Variants in UTS2B observed in about 807,000 individuals in gnomAD.
The protein encoded by UTS2B is urotensin 2B, also known as urotensin-2B.
UTS2B carries 21 observed loss-of-function variants against 19.2 expected under a neutral mutation model. The ratio of observed to expected loss-of-function variants is 1.09; its 90% CI spans 0.78 to 1.58. UTS2B has a LOEUF of 1.58. UTS2B is among the 40% of genes most tolerant of loss of function. The pLI is 0.00. For synonymous variants in UTS2B, 57 were observed against 50.2 expected (o/e 1.14, Z -0.58); for missense variants, 138 against 130.3 (o/e 1.06, Z -0.29).
intron 8 of UTS2B, chr3:191,273,583 C>G (rs1406469335): frequency 2.2e-6 from 1 of 456,698 alleles, no homozygotes; most frequent in African/African-American, 2.0e-5. Flanking sequence ...TAGAGTGGTG[C>G]TGTGCTGTGC....
chr3:191,289,955 A>G (rs1442036077), intron 4 of UTS2B, among the ~76,000 whole-genome samples: 1 of 152,240 alleles, frequency 6.6e-6, no homozygotes, highest in African/African-American at 2.4e-5. Flanking sequence ...TTCTCACCAC[A>G]CAAAAATGTT....
At chr3:191,291,841 G>A (rs1716728673) in intron 4 of UTS2B, among the ~76,000 whole-genome samples, 1 of 152,020 alleles carries the variant, frequency 6.6e-6, no homozygotes, top group Non-Finnish European at 1.5e-5. Context: ...ATATCTAGTT[G>A]TCTCACCACA....
the UTS2B span, among the ~76,000 whole-genome samples, chr3:191,336,498 C>T: frequency 6.6e-6 from 1 of 151,972 alleles, no homozygotes; most frequent in African/African-American, 2.4e-5. Flanking sequence ...TAAATTTTAG[C>T]TCATTTTAAA....
chr3:191,332,815 C>G (rs1055957745), upstream of UTS2B, among the ~76,000 whole-genome samples: 4 of 152,186 alleles, frequency 2.6e-5, no homozygotes, highest in African/African-American at 4.8e-5. Context: ...GTTCCTGTAT[C>G]GGTAAATGAA....
In UTS2B at chr3:191,275,373, T is replaced by C. The variant is rs1156770709; in HGVS notation, c.241-28A>G. Reference sequence around the variant, plus strand: ...GATAAAATTGTAAAATGATAATTAATTGGTCTTCTATAAAACCATGCTGTT... The same window carrying C: ...GATAAAATTGTAAAATGATAATTAACTGGTCTTCTATAAAACCATGCTGTT... On this transcript the variant is annotated intron_variant, in intron 7 of 8. Coordinates refer to ENST00000340524, the MANE Select transcript of UTS2B (RefSeq NM_198152.5). 3.2e-6 allele frequency: 5 copies of C among 1,581,220 alleles called. 1 individual carries two copies. Among genetic ancestry groups the C allele is most frequent in the East Asian group, 4.5e-5 (2 of 44,706 alleles).
the UTS2B span, among the ~76,000 whole-genome samples, chr3:191,335,832 G>A: frequency 6.6e-6 from 1 of 151,908 alleles, no homozygotes; most frequent in African/African-American, 2.4e-5. Context: ...TTCCTTTTTA[G>A]TGTGTAGTTC....
At chr3:191,329,950 G>T (rs1032030282) in intron 1 of UTS2B, among the ~76,000 whole-genome samples, 19 of 143,140 alleles carry the variant, frequency 1.3e-4, no homozygotes, top group South Asian at 7.7e-4. Flanking sequence ...GTTGGGGGGG[G>T]GGGGGGCTAG....
chr3:191,289,450 A>ATAAATAAC (rs56188122), intron 4 of UTS2B, among the ~76,000 whole-genome samples: 1 of 144,050 alleles, frequency 6.9e-6, no homozygotes. Context: ...AAATAAATAA[A>ATAAATAAC]AAACAAACGA....
At chr3:191,275,599 G>C (rs1716212472) in intron 7 of UTS2B, among the ~76,000 whole-genome samples, 1 of 151,998 alleles carries the variant, frequency 6.6e-6, no homozygotes, top group African/African-American at 2.4e-5. Context: ...AGAATGGCGT[G>C]AACCCAGGAG....
At chr3:191,319,817 A>G (rs2108611731) in intron 2 of UTS2B, among the ~76,000 whole-genome samples, 1 of 151,004 alleles carries the variant, frequency 6.6e-6, no homozygotes, top group Admixed American at 6.6e-5. Context: ...GCAGTGAGCC[A>G]AGATCGCGCC....
At chr3:191,301,103 C>G (rs1255077044) in intron 4 of UTS2B, among the ~76,000 whole-genome samples, 5 of 125,666 alleles carry the variant, frequency 4.0e-5, no homozygotes, top group Non-Finnish European at 9.0e-5. Context: ...AATATGTCAC[C>G]TTCTTTCCTT....
At chr3:191,320,511 G>C (rs1717585901) in intron 2 of UTS2B, among the ~76,000 whole-genome samples, 1 of 152,172 alleles carries the variant, frequency 6.6e-6, no homozygotes, top group African/African-American at 2.4e-5. Flanking sequence ...ACATGCTCTG[G>C]CATGCTTTAA....
At position 191,293,846 on chromosome 3, in the gene UTS2B, C is replaced by A. The variant is rs141771784; in HGVS notation, c.-125+10646G>T. On this transcript the variant is annotated intron_variant, in intron 4 of 8. Coordinates refer to ENST00000340524, the MANE Select transcript of UTS2B (RefSeq NM_198152.5). ...GGTGCAGTGGCTCACGCCTGTAATC[C>A]CAGCACTTTGAGAAGCCGGGGGTGG... 2.3e-3 allele frequency among the ~76,000 whole-genome samples: 355 copies of A among 151,940 alleles called. 9 individuals carry two copies. The highest frequency in any genetic ancestry group is 8.2e-3 in the African/African-American group (338 of 41,276).
chr3:191,330,321 AC>A (rs59801571), intron 1 of UTS2B, 92 bp downstream of exon 1: 13,286 of 153,174 alleles, frequency 0.087, 697 homozygotes, highest in East Asian at 0.21. Flanking sequence ...ACACACACAC[AC>A]ACACACAATA....
At chr3:191,311,238 C>T (rs1049108591) in intron 3 of UTS2B, among the ~76,000 whole-genome samples, 2 of 152,200 alleles carry the variant, frequency 1.3e-5, no homozygotes, top group Admixed American at 1.3e-4. Context: ...TTAATATCAC[C>T]TAGGAAATGT....
intron 5 of UTS2B, among the ~76,000 whole-genome samples, chr3:191,278,462 T>C (rs575346973): frequency 6.6e-6 from 1 of 152,198 alleles, no homozygotes; most frequent in Admixed American, 6.5e-5. Context: ...TTTACTTTCT[T>C]CTTTTTAATC....
intron 4 of UTS2B, 45 bp from the exon 5 acceptor site, chr3:191,282,358 C>T: frequency 1.8e-6 from 1 of 558,186 alleles, no homozygotes. Context: ...CTATAAAATG[C>T]AATGCAATCA....
chr3:191,278,758 C>A (rs1716305838), intron 5 of UTS2B, among the ~76,000 whole-genome samples: 2 of 151,884 alleles, frequency 1.3e-5, no homozygotes, highest in Non-Finnish European at 2.9e-5. Context: ...TGTCTCAGTA[C>A]TGTAATTATC....
chr3:191,278,188 C>T lies in UTS2B; in HGVS notation c.104-18G>A. ...TTCATTTCCTATAATGATCAAAAACCACCATTTTCAATTTGAGTCACCGAA... is the reference window on the plus strand; with the variant it reads ...TTCATTTCCTATAATGATCAAAAACTACCATTTTCAATTTGAGTCACCGAA... On this transcript the variant is annotated intron_variant, in intron 5 of 8. Transcript: ENST00000340524. 1 of 1,357,458 alleles carries T rather than the reference C, an allele frequency of 7.4e-7. No homozygotes were observed. The highest frequency in any genetic ancestry group is 1.0e-6 in the Non-Finnish European group (1 of 998,352). 84.1% of individuals were successfully genotyped at this position (1,357,458 alleles called of 1,614,324 possible).
Sources: allele counts gnomAD v4.1 joint callset (sites outside exome capture counted in the v4.1 genomes callset), GRCh38; gene constraint gnomAD v4.1.1; transcripts MANE v1.5; gene names NCBI Gene and HGNC (gene_info 2026-07-23, HGNC 2026-07-21).